Variants in CREB5 observed in about 807,000 individuals in gnomAD.
CREB5 encodes cyclic AMP-responsive element-binding protein 5.
A neutral mutation model predicts 57.1 loss-of-function variants in CREB5; 19 were observed. That is an observed-to-expected ratio of 0.33 (90% confidence interval 0.23 to 0.49). The LOEUF is 0.49. Ranked by LOEUF, CREB5 falls within the 20% of genes least tolerant of loss-of-function variation. The pLI is 0.99. For synonymous variants in CREB5, 238 were observed against 238.3 expected (o/e 1.00, Z 0.01); for missense variants, 579 against 671.6 (o/e 0.86, Z 1.52).
At chr7:28,585,357 C>A (rs1184168158) in intron 5 of CREB5, among the ~76,000 whole-genome samples, 1 of 152,154 alleles carries the variant, frequency 6.6e-6, no homozygotes, top group Non-Finnish European at 1.5e-5. Context: ...GGAAGGAGAG[C>A]CCAGGGTGGG....
intron 4 of CREB5, among the ~76,000 whole-genome samples, chr7:28,569,924 G>A (rs1279677619): frequency 6.6e-6 from 1 of 151,594 alleles, no homozygotes; most frequent in Admixed American, 6.6e-5. Context: ...ATATATGGTT[G>A]GGCACTCTTA....
intron 1 of CREB5, among the ~76,000 whole-genome samples, chr7:28,377,811 A>T (rs918148513): frequency 6.6e-6 from 1 of 151,734 alleles, no homozygotes; most frequent in African/African-American, 2.4e-5. Context: ...GGGCTCCTGT[A>T]GTCCCAGCTA....
chr7:28,560,909 C>CGTGTGTGCGT (rs1268332483), intron 4 of CREB5, among the ~76,000 whole-genome samples: 1 of 32,656 alleles, frequency 3.1e-5, no homozygotes, highest in African/African-American at 1.6e-4. Flanking sequence ...TGCGCGCGTG[C>CGTGTGTGCGT]GTGTGCGTGT....
chr7:28,387,611 A>C (rs920617734), intron 1 of CREB5, among the ~76,000 whole-genome samples: 1 of 152,100 alleles, frequency 6.6e-6, no homozygotes, highest in Non-Finnish European at 1.5e-5. Context: ...GTGAAAGAGC[A>C]ACACACGCTG....
In CREB5 at chr7:28,431,524, A is replaced by G. The variant is rs560221858; in HGVS notation, c.3+18607A>G. 8.5e-5 allele frequency among the ~76,000 whole-genome samples: 13 copies of G among 152,262 alleles called. No individual in the cohort carries two copies. In the East Asian group the frequency reaches 1.7e-3, roughly 20 times the overall value. ...TTGTGGCACTGGCTCATGCTTGGAC[A>G]TTTACACTCTTTATTTAGCAAGAAA... is the stretch of plus-strand genomic sequence containing the variant. On this transcript the variant is annotated intron_variant, in intron 1 of 10. Transcript: ENST00000357727.
At chr7:28,469,574 C>T (rs932307579) in intron 1 of CREB5, among the ~76,000 whole-genome samples, 5 of 152,186 alleles carry the variant, frequency 3.3e-5, no homozygotes, top group African/African-American at 1.2e-4. Flanking sequence ...CCACACTATT[C>T]TTGCTTGTTA....
intron 1 of CREB5, among the ~76,000 whole-genome samples, chr7:28,352,205 TC>T (rs1418985327): frequency 6.6e-6 from 1 of 152,174 alleles, no homozygotes; most frequent in African/African-American, 2.4e-5. Context: ...TCAGACAAGG[TC>T]CCTTCCTTTG....
At chr7:28,574,838 C>T (rs555695244) in intron 5 of CREB5, among the ~76,000 whole-genome samples, 111 of 152,230 alleles carry the variant, frequency 7.3e-4, no homozygotes, top group South Asian at 4.2e-4. Context: ...CGTAAAAAAA[C>T]CCTCCCTGAT....
At chr7:28,369,704 G>A (rs536699487) in intron 1 of CREB5, among the ~76,000 whole-genome samples, 12 of 152,256 alleles carry the variant, frequency 7.9e-5, no homozygotes, top group South Asian at 4.1e-4. Context: ...AATCCTGTTC[G>A]CTTGCCTCAA....
intron 7 of CREB5, among the ~76,000 whole-genome samples, chr7:28,737,563 A>G (rs867295100): frequency 1.6e-5 from 2 of 126,166 alleles, no homozygotes; most frequent in Admixed American, 7.6e-5. Context: ...ATATATATAT[A>G]TATATATATA....
chr7:28,793,327 C>T (rs995956639), intron 7 of CREB5, among the ~76,000 whole-genome samples: 2 of 152,198 alleles, frequency 1.3e-5, no homozygotes, highest in Admixed American at 1.3e-4. Context: ...ACAAGACAAT[C>T]TAAACTTCCA....
chr7:28,340,218 A>G (rs915141586), intron 1 of CREB5, among the ~76,000 whole-genome samples: 2 of 152,196 alleles, frequency 1.3e-5, no homozygotes, highest in Non-Finnish European at 2.9e-5. Context: ...ATCTCTCCTC[A>G]TAGCCACCAC....
intron 5 of CREB5, among the ~76,000 whole-genome samples, chr7:28,639,674 G>A (rs1368119768): frequency 6.6e-6 from 1 of 152,096 alleles, no homozygotes; most frequent in Admixed American, 6.6e-5. Context: ...CAGTCATCAA[G>A]AACAGACCTC....
intron 1 of CREB5, among the ~76,000 whole-genome samples, chr7:28,456,394 C>G (rs935133416): frequency 6.6e-6 from 1 of 152,176 alleles, no homozygotes; most frequent in African/African-American, 2.4e-5. Context: ...GGAGACTTGT[C>G]CCCTAGTTTA....
intron 4 of CREB5, among the ~76,000 whole-genome samples, chr7:28,517,575 T>A (rs1250196342): frequency 6.6e-6 from 1 of 152,154 alleles, no homozygotes; most frequent in African/African-American, 2.4e-5. Context: ...CCCCCTGAAT[T>A]ACTGGTACCT....
chr7:28,391,052 A>G (rs1336924134), intron 1 of CREB5, among the ~76,000 whole-genome samples: 2 of 152,202 alleles, frequency 1.3e-5, no homozygotes, highest in Non-Finnish European at 2.9e-5. Flanking sequence ...ATATTTTAAA[A>G]TAGAGAAAAC....
chr7:28,338,753 G>C (rs1203257955), intron 1 of CREB5, among the ~76,000 whole-genome samples: 1 of 152,012 alleles, frequency 6.6e-6, no homozygotes, highest in Non-Finnish European at 1.5e-5. Flanking sequence ...ATAACTCTTA[G>C]AGTTGCCCTT....
intron 5 of CREB5, among the ~76,000 whole-genome samples, chr7:28,640,011 C>T (rs570282021): frequency 6.6e-6 from 1 of 152,168 alleles, no homozygotes; most frequent in South Asian, 2.1e-4. Flanking sequence ...TCCCATGCCT[C>T]TTCACTCTGG....
chr7:28,511,172 G>T (rs980688342), intron 4 of CREB5, among the ~76,000 whole-genome samples: 3 of 150,518 alleles, frequency 2.0e-5, no homozygotes. Flanking sequence ...ATGGAGAAAG[G>T]AATAGCAGGG....
Sources: allele counts gnomAD v4.1 joint callset (sites outside exome capture counted in the v4.1 genomes callset), GRCh38; gene constraint gnomAD v4.1.1; transcripts MANE v1.5; gene names NCBI Gene and HGNC (gene_info 2026-07-23, HGNC 2026-07-21).